The following DPP10 variants were observed in gnomAD, a reference collection of about 807,000 sequenced individuals.
DPP10 encodes dipeptidyl peptidase like 10.
In DPP10, 33 loss-of-function variants were observed where a neutral mutation model predicts 120.9. That is an observed-to-expected ratio of 0.27 (90% CI 0.21 to 0.37). The LOEUF is 0.37. Among genes scored for constraint, DPP10 ranks in the 10% least tolerant of loss-of-function variants. The pLI, the probability that DPP10 is intolerant of heterozygous loss-of-function variation, is 1.00. For synonymous variants in DPP10, 337 were observed against 326.1 expected, an observed-to-expected ratio of 1.03 and a Z score of -0.36; for missense variants, 816 against 942.8, an observed-to-expected ratio of 0.87 and a Z score of 1.76.
rs368204743 is a variant in DPP10, at chr2:114,518,887, A to G, written c.60+76049A>G. On this transcript the variant is annotated intron_variant, in intron 1 of 25. Transcript: ENST00000410059. The stretch of plus-strand genomic sequence containing the variant: ...TTCAAACTGTGTTTCATGGAGCTGT[A>G]TCCATTCAGTTTATTACTCAGAGGC... Among the ~76,000 whole-genome samples, 9 of 152,310 alleles carry G rather than the reference A, an allele frequency of 5.9e-5. No homozygotes were observed. The East Asian group carries it at 1.5e-3, about 26-fold the overall frequency.
intron 5 of DPP10, among the ~76,000 whole-genome samples, chr2:115,541,511 A>G (rs2079169585): frequency 6.6e-6 from 1 of 151,640 alleles, no homozygotes; most frequent in Non-Finnish European, 1.5e-5. Context: ...AGAGAGAGAG[A>G]GATTTTTAAA....
intron 1 of DPP10, among the ~76,000 whole-genome samples, chr2:115,074,371 T>TA (rs1306353679): frequency 2.0e-5 from 3 of 152,058 alleles, no homozygotes; most frequent in African/African-American, 7.2e-5. Context: ...ATGCCCAACT[T>TA]AAAATAGTTA....
rs145087276 is a variant in DPP10 at position 114,482,721 on chromosome 2, C to A, written c.60+39883C>A. ...TATTTCTTTTCTTGTTGACAAGCTTCAGATAGAGACTCTTCAGCTTTATTT... is the reference window on the plus strand; with the variant it reads ...TATTTCTTTTCTTGTTGACAAGCTTAAGATAGAGACTCTTCAGCTTTATTT... On this transcript the variant is annotated intron_variant, in intron 1 of 25. Transcript: ENST00000410059. Among the ~76,000 whole-genome samples, 49 of 152,278 alleles carry A rather than the reference C, an allele frequency of 3.2e-4. 1 individual carries two copies. In the East Asian group the frequency reaches 9.2e-3, roughly 29 times the overall value.
intron 1 of DPP10, among the ~76,000 whole-genome samples, chr2:114,563,827 G>T (rs975851706): frequency 6.6e-6 from 1 of 152,178 alleles, no homozygotes; most frequent in Non-Finnish European, 1.5e-5. Context: ...GTGAGGAAAA[G>T]AAATGTGTCT....
intron 1 of DPP10, among the ~76,000 whole-genome samples, chr2:114,727,634 C>T (rs1460383674): frequency 6.6e-6 from 1 of 152,154 alleles, no homozygotes; most frequent in African/African-American, 2.4e-5. Flanking sequence ...ATCAGATATT[C>T]ACTCTTAGGA....
chr2:114,449,881 A>G (rs1282630172), intron 1 of DPP10, among the ~76,000 whole-genome samples: 1 of 152,146 alleles, frequency 6.6e-6, no homozygotes, highest in African/African-American at 2.4e-5. Context: ...TTCATTTTGA[A>G]GTCACCCGGG....
At chr2:115,740,935 C>A (rs1677180967) in intron 9 of DPP10, among the ~76,000 whole-genome samples, 1 of 152,002 alleles carries the variant, frequency 6.6e-6, no homozygotes, top group Non-Finnish European at 1.5e-5. Context: ...TAAGCCATTT[C>A]TTTAGTGAGT....
intron 1 of DPP10, among the ~76,000 whole-genome samples, chr2:114,776,403 T>G (rs543474867): frequency 2.6e-5 from 4 of 152,220 alleles, no homozygotes; most frequent in African/African-American, 9.6e-5. Context: ...AAAAAACAGT[T>G]ACATTCATAC....
chr2:115,200,235 T>C (rs78193066), intron 1 of DPP10, among the ~76,000 whole-genome samples: 1 of 152,318 alleles, frequency 6.6e-6, no homozygotes, highest in Non-Finnish European at 1.5e-5. Context: ...TCCAGAGCAG[T>C]GCTGTGTTTG....
chr2:115,473,431 G>T (rs752780677), intron 3 of DPP10, among the ~76,000 whole-genome samples: 1 of 152,170 alleles, frequency 6.6e-6, no homozygotes, highest in African/African-American at 2.4e-5. Context: ...TAGTCAATGA[G>T]TGAGGGCTCC....
chr2:115,059,571 C>T (rs1706227769), intron 1 of DPP10, among the ~76,000 whole-genome samples: 1 of 151,282 alleles, frequency 6.6e-6, no homozygotes, highest in Non-Finnish European at 1.5e-5. Context: ...AGATGGACAT[C>T]TGACCTATTC....
At chr2:114,757,696 A>G (rs1679910767) in intron 1 of DPP10, among the ~76,000 whole-genome samples, 1 of 152,178 alleles carries the variant, frequency 6.6e-6, no homozygotes, top group Non-Finnish European at 1.5e-5. Flanking sequence ...GACCAACAGC[A>G]TCTTGGGATT....
intron 1 of DPP10, among the ~76,000 whole-genome samples, chr2:114,852,838 T>C (rs1689070371): frequency 6.6e-6 from 1 of 152,174 alleles, no homozygotes; most frequent in Admixed American, 6.5e-5. Flanking sequence ...ATAGGCAAAA[T>C]ATTCTTTATC....
At chr2:114,933,364 C>T (rs1323090513) in intron 1 of DPP10, among the ~76,000 whole-genome samples, 2 of 152,186 alleles carry the variant, frequency 1.3e-5, no homozygotes, top group Admixed American at 6.5e-5. Flanking sequence ...TCCTTTCTCA[C>T]CCTCTTCAAC....
At chr2:114,534,349 A>G (rs1686308654) in intron 1 of DPP10, among the ~76,000 whole-genome samples, 1 of 151,990 alleles carries the variant, frequency 6.6e-6, no homozygotes. Context: ...TTTATCTTAG[A>G]GGCTTTCCTT....
intron 1 of DPP10, among the ~76,000 whole-genome samples, chr2:114,690,594 C>A (rs915318562): frequency 4.0e-5 from 6 of 151,680 alleles, no homozygotes; most frequent in African/African-American, 1.5e-4. Context: ...TGTGAATATA[C>A]AAATATTTTT....
chr2:115,288,207 T>C (rs1039052480), intron 1 of DPP10, among the ~76,000 whole-genome samples: 4 of 152,132 alleles, frequency 2.6e-5, no homozygotes, highest in African/African-American at 9.7e-5. Context: ...AATTTTTTTT[T>C]TCATAATGAC....
intron 1 of DPP10, among the ~76,000 whole-genome samples, chr2:114,887,020 C>T (rs903686180): frequency 5.9e-5 from 9 of 152,186 alleles, no homozygotes; most frequent in African/African-American, 2.2e-4. Flanking sequence ...TTGCCATCCA[C>T]TGTAGTCTTT....
chr2:115,522,764 T>G (rs2077893674), intron 4 of DPP10, among the ~76,000 whole-genome samples: 1 of 152,168 alleles, frequency 6.6e-6, no homozygotes, highest in South Asian at 2.1e-4. Context: ...TTTTGCATCC[T>G]TTCATTTCAA....
Sources: gnomAD v4.1 joint callset for allele counts (sites outside exome capture counted in the v4.1 genomes callset) on GRCh38, gnomAD v4.1.1 for gene constraint, MANE v1.5 for transcripts, NCBI Gene and HGNC (gene_info 2026-07-23, HGNC 2026-07-21) for gene names.